The following HMG20A variants were observed in gnomAD, a reference collection of about 807,000 sequenced individuals.
HMG20A encodes high mobility group 20A.
HMG20A carries 17 observed loss-of-function variants against 43.9 expected under a neutral mutation model. The ratio of observed to expected loss-of-function variants is 0.39; its 90% CI spans 0.27 to 0.58. The LOEUF (loss-of-function observed/expected upper bound fraction) is 0.58. HMG20A is among the 20% of genes least tolerant of loss of function. The probability of loss-of-function intolerance (pLI) is 0.59; values close to 1 mark genes in which losing one functional copy is unlikely to be tolerated. For missense variants in HMG20A, 341 were observed against 438.2 expected (o/e 0.78, Z 1.98); for synonymous variants, 132 against 147.5 (o/e 0.89, Z 0.76).
chr15:77,426,372 CAT>C (rs763835862), intron 1 of HMG20A, among the ~76,000 whole-genome samples: 6 of 152,160 alleles, frequency 3.9e-5, no homozygotes, highest in South Asian at 2.1e-4. Context: ...TTGATTAACA[CAT>C]GTTTTATATG....
downstream of HMG20A, among the ~76,000 whole-genome samples, chr15:77,485,805 G>T (rs1473147966): frequency 6.6e-6 from 1 of 152,198 alleles, no homozygotes; most frequent in African/African-American, 2.4e-5. Flanking sequence ...GGTGGCATGA[G>T]CCTGTAGTCC....
intron 8 of HMG20A, 43 bp from the exon 9 acceptor site, chr15:77,479,136 T>G (rs747904057): frequency 1.3e-6 from 2 of 1,598,868 alleles, no homozygotes; most frequent in Non-Finnish European, 8.6e-7. Flanking sequence ...ATGGTACAAC[T>G]GAATAGGGAG....
At chr15:77,459,339 A>G (rs2072684797) in intron 2 of HMG20A, among the ~76,000 whole-genome samples, 1 of 152,204 alleles carries the variant, frequency 6.6e-6, no homozygotes, top group Admixed American at 6.5e-5. Context: ...GCTATGTGTC[A>G]TTGTTCCAGG....
At chr15:77,467,401 T>C (rs12906220) in intron 4 of HMG20A, 94 bp downstream of exon 4, 96,894 of 1,062,964 alleles carry the variant, frequency 0.091, 5,215 homozygotes, top group Admixed American at 0.12. Context: ...CAGTTGATTC[T>C]GCAGTTTTGT....
the HMG20A span, among the ~76,000 whole-genome samples, chr15:77,501,849 T>G: frequency 6.6e-6 from 1 of 152,208 alleles, no homozygotes; most frequent in Non-Finnish European, 1.5e-5. Context: ...GGGGCAAATC[T>G]GGGGATATCT....
chr15:77,462,344 C>T (rs2142331419), intron 2 of HMG20A, among the ~76,000 whole-genome samples: 1 of 152,242 alleles, frequency 6.6e-6, no homozygotes, highest in African/African-American at 2.4e-5. Flanking sequence ...GTCTCCTTTC[C>T]TAGTTTTTCT....
At chr15:77,470,831 G>A (rs1595929034) in intron 4 of HMG20A, 79 bp from the exon 5 acceptor site, 2 of 1,274,576 alleles carry the variant, frequency 1.6e-6, no homozygotes, top group East Asian at 5.5e-5. Flanking sequence ...TAATTGTCCT[G>A]TTTTCTTCAA....
the HMG20A span, among the ~76,000 whole-genome samples, chr15:77,519,996 T>C: frequency 1.3e-5 from 2 of 151,960 alleles, no homozygotes; most frequent in African/African-American, 4.8e-5. Flanking sequence ...GTCAGGAGAT[T>C]GAGATCATCC....
chr15:77,449,864 A>G (rs1429772323), intron 1 of HMG20A, among the ~76,000 whole-genome samples: 1 of 152,156 alleles, frequency 6.6e-6, no homozygotes, highest in Non-Finnish European at 1.5e-5. Context: ...ACAGTCTGTG[A>G]GTTTTGACAG....
intron 1 of HMG20A, among the ~76,000 whole-genome samples, chr15:77,435,012 A>G (rs2073531097): frequency 6.6e-6 from 1 of 152,164 alleles, no homozygotes; most frequent in Non-Finnish European, 1.5e-5. Flanking sequence ...TTGTATCTAC[A>G]TGGATGATCA....
the HMG20A span, among the ~76,000 whole-genome samples, chr15:77,506,090 A>T: frequency 6.6e-6 from 1 of 151,718 alleles, no homozygotes; most frequent in Non-Finnish European, 1.5e-5. Context: ...AAAAAAAAAA[A>T]ACCCTTTAAT....
chr15:77,506,669 C>A, the HMG20A span, among the ~76,000 whole-genome samples: 1 of 152,254 alleles, frequency 6.6e-6, no homozygotes, highest in African/African-American at 2.4e-5. Flanking sequence ...GAGACTCCTG[C>A]CTGCCACACT....
At chr15:77,434,073 C>A (rs555215807) in intron 1 of HMG20A, among the ~76,000 whole-genome samples, 1 of 152,248 alleles carries the variant, frequency 6.6e-6, no homozygotes, top group South Asian at 2.1e-4. Context: ...CAGAAACAAT[C>A]CCATATGTAT....
chr15:77,497,678 A>T, the HMG20A span, among the ~76,000 whole-genome samples: 13 of 129,388 alleles, frequency 1.0e-4, no homozygotes, highest in Admixed American at 3.1e-4. Flanking sequence ...AGAGAGAGAG[A>T]GAGAGTGTGT....
At chr15:77,465,373 T>G (rs2072747302) in intron 3 of HMG20A, among the ~76,000 whole-genome samples, 1 of 150,962 alleles carries the variant, frequency 6.6e-6, no homozygotes, top group South Asian at 2.1e-4. Flanking sequence ...TTAAATACCT[T>G]GAAATTAAAT....
chr15:77,436,094 T>C (rs936505928), intron 1 of HMG20A, among the ~76,000 whole-genome samples: 4 of 152,228 alleles, frequency 2.6e-5, no homozygotes, highest in Non-Finnish European at 4.4e-5. Flanking sequence ...TGATATTTTA[T>C]CTCAAAGGCA....
At chr15:77,497,778 G>A in the HMG20A span, among the ~76,000 whole-genome samples, 2 of 151,842 alleles carry the variant, frequency 1.3e-5, no homozygotes, top group Non-Finnish European at 2.9e-5. Flanking sequence ...TACTTGGACA[G>A]CCTTTCAGTT....
intron 1 of HMG20A, among the ~76,000 whole-genome samples, chr15:77,425,525 T>G (rs1050897187): frequency 1.3e-5 from 2 of 152,198 alleles, no homozygotes; most frequent in African/African-American, 4.8e-5. Flanking sequence ...GGGTGTCAGA[T>G]AAGCATATAT....
chr15:77,438,059 T>G lies in HMG20A; in HGVS notation c.-5+17055T>G, dbSNP rs577183790. ...GCAGCCTTGAACTCCTAGGCAAAAGTGATCCTCCCGCCTCAGCCTCCCAAG... is the reference window on the plus strand; with the variant it reads ...GCAGCCTTGAACTCCTAGGCAAAAGGGATCCTCCCGCCTCAGCCTCCCAAG... On this transcript the variant is annotated intron_variant, in intron 1 of 9. Transcript: ENST00000336216. 1.7e-4 allele frequency among the ~76,000 whole-genome samples: 25 copies of G among 151,398 alleles called. 1 individual carries two copies. The South Asian group carries it at 5.2e-3, about 32-fold the overall frequency.
Sources: gnomAD v4.1 joint callset for allele counts (sites outside exome capture counted in the v4.1 genomes callset) on GRCh38, gnomAD v4.1.1 for gene constraint, MANE v1.5 for transcripts, NCBI Gene and HGNC (gene_info 2026-07-23, HGNC 2026-07-21) for gene names.